ABR: variants seen among roughly 807,000 people sequenced by gnomAD.
ABR encodes ABR activator of RhoGEF and GTPase, also known as active breakpoint cluster region-related protein.
A neutral mutation model predicts 107.2 loss-of-function variants in ABR; 35 were observed. The ratio of observed to expected loss-of-function variants is 0.33; its 90% CI spans 0.25 to 0.43. The LOEUF is 0.43. Among genes scored for constraint, ABR ranks in the 20% least tolerant of loss-of-function variants. The pLI, the probability that ABR is intolerant of heterozygous loss-of-function variation, is 1.00. For synonymous variants in ABR, 498 were observed against 462.0 expected, an observed-to-expected ratio of 1.08 and a Z score of -1.00; for missense variants, 815 against 1,115.2, an observed-to-expected ratio of 0.73 and a Z score of 3.83.
In ABR at chr17:1,071,279, C is replaced by T. The variant is rs74372553; in HGVS notation, c.895-1189G>A. The stretch of plus-strand genomic sequence containing the variant: ...GACGCTGCACATCAGCACCAGGAGC[C>T]GCACGGAATCGGCTCTCTCTGCCCA... On this transcript the variant is annotated intron_variant, in intron 8 of 22. Transcript: ENST00000302538. This position sits in a 1 kb window ranked among gnomAD's most constrained non-coding sequence, Gnocchi z 5.1. Among the ~76,000 whole-genome samples the T allele has an allele frequency of 0.013, 1,920 of 152,262 alleles. 20 individuals carry two copies. The highest frequency in any genetic ancestry group is 0.02 in the Admixed American group (312 of 15,300).
chr17:1,090,806 C>T (rs995121990), intron 4 of ABR, among the ~76,000 whole-genome samples: 5 of 152,222 alleles, frequency 3.3e-5, no homozygotes, highest in African/African-American at 1.2e-4. Flanking sequence ...CCTCTGGCCA[C>T]TCACACCCAG....
intron 1 of ABR, among the ~76,000 whole-genome samples, chr17:1,165,219 C>T (rs751609703): frequency 2.0e-5 from 3 of 152,354 alleles, no homozygotes; most frequent in South Asian, 2.1e-4. Context: ...GGCCCTGGAG[C>T]GCCTTCCCAC....
At chr17:1,193,347 G>A (rs933456800) in intron 1 of ABR, among the ~76,000 whole-genome samples, 1 of 150,752 alleles carries the variant, frequency 6.6e-6, no homozygotes, top group African/African-American at 2.4e-5. Context: ...TTCGGCCGAC[G>A]TGTCCCGAGC....
At chr17:1,008,104 G>A (rs2070210113) in intron 21 of ABR, among the ~76,000 whole-genome samples, 2 of 151,872 alleles carry the variant, frequency 1.3e-5, no homozygotes, top group Admixed American at 6.5e-5. Flanking sequence ...CTGCCTCGTG[G>A]GACCCAGGAT....
At chr17:1,086,309 G>A (rs1258651354) in intron 4 of ABR, among the ~76,000 whole-genome samples, 2 of 152,122 alleles carry the variant, frequency 1.3e-5, no homozygotes, top group African/African-American at 4.8e-5. Flanking sequence ...ATAGTGGAGG[G>A]ACTGGTAACA....
At chr17:1,055,785 C>G (rs1267639363) in intron 14 of ABR, 7 of 445,732 alleles carry the variant, frequency 1.6e-5, no homozygotes, top group Non-Finnish European at 2.5e-5. Context: ...CCTGGGCCTC[C>G]CAAAGTGCTG....
intron 2 of ABR, among the ~76,000 whole-genome samples, chr17:1,124,712 AGAG>A (rs2039511421): frequency 2.0e-5 from 3 of 152,246 alleles, no homozygotes; most frequent in African/African-American, 7.2e-5. Context: ...CAGAGTGAAC[AGAG>A]GAGGGCTGGA....
intron 1 of ABR, among the ~76,000 whole-genome samples, chr17:1,174,271 T>G (rs1351456857): frequency 1.3e-5 from 2 of 152,170 alleles, no homozygotes; most frequent in Non-Finnish European, 2.9e-5. Flanking sequence ...CCAGCAGCCA[T>G]GAAGATTATG....
Position 1,087,608 on chromosome 17 carries a change from G to A in ABR, c.532-3981C>T, listed in dbSNP as rs1372589991. On this transcript the variant is annotated intron_variant, in intron 4 of 22. Transcript: ENST00000302538. Reference sequence around the variant, plus strand: ...TAAAAGGGGGCGGGGCCGGACGGGAGGGAGTTTATTTCCTTTTCCAGGGAG... The same window carrying A: ...TAAAAGGGGGCGGGGCCGGACGGGAAGGAGTTTATTTCCTTTTCCAGGGAG... 4.6e-5 allele frequency among the ~76,000 whole-genome samples: 7 copies of A among 152,276 alleles called. No individual in the cohort carries two copies. In the East Asian group the frequency reaches 1.4e-3, roughly 29 times the overall value.
Position 1,099,064 on chromosome 17 carries a change from G to C in ABR, c.345+1573C>G, listed in dbSNP as rs919494614. ...GGCCTCCCAAAGTGCTGGGATTACA[G>C]GTGTCAGCCACTGCACCCAGCCTTT... On this transcript the variant is annotated intron_variant, in intron 3 of 22. Transcript: ENST00000302538. Among the ~76,000 whole-genome samples the C allele has an allele frequency of 2.6e-5, 4 of 151,822 alleles. No homozygotes were observed. The East Asian group carries it at 7.7e-4, about 29-fold the overall frequency.
intron 16 of ABR, among the ~76,000 whole-genome samples, chr17:1,029,623 C>A (rs1182601655): frequency 6.6e-6 from 1 of 152,180 alleles, no homozygotes; most frequent in East Asian, 1.9e-4. Context: ...CCTTACCCCA[C>A]CGAAACGAAA....
chr17:1,183,976 C>T (rs922632929), upstream of ABR, among the ~76,000 whole-genome samples: 12 of 152,204 alleles, frequency 7.9e-5, no homozygotes, highest in Admixed American at 2.0e-4. Context: ...TTTGGGAGGC[C>T]GAGATGGGCA....
intron 1 of ABR, among the ~76,000 whole-genome samples, chr17:1,197,728 G>A (rs2042596374): frequency 6.6e-6 from 1 of 151,484 alleles, no homozygotes; most frequent in Admixed American, 6.6e-5. Flanking sequence ...TGAGTCTTGG[G>A]GAGTGGCTCC....
At chr17:1,229,435 C>T (rs895267302) in exon 1 of ABR, among the ~76,000 whole-genome samples, 2 of 151,852 alleles carry the variant, frequency 1.3e-5, no homozygotes, top group African/African-American at 2.4e-5. Flanking sequence ...CCGCCGCCGC[C>T]CCGGGCCAGC....
At chr17:1,064,518 T>G (rs2034463712) in intron 10 of ABR, among the ~76,000 whole-genome samples, 1 of 131,240 alleles carries the variant, frequency 7.6e-6, no homozygotes, top group African/African-American at 2.8e-5. Flanking sequence ...CTGAGGGCTA[T>G]GCATGTTCCT....
At chr17:1,141,077 AG>A (rs2040266097) in intron 1 of ABR, among the ~76,000 whole-genome samples, 1 of 152,166 alleles carries the variant, frequency 6.6e-6, no homozygotes, top group Admixed American at 6.5e-5. Flanking sequence ...TCAGGGCAGA[AG>A]GGTCCTTGGG....
At chr17:1,163,494 C>A (rs2041389455) in intron 1 of ABR, among the ~76,000 whole-genome samples, 1 of 151,414 alleles carries the variant, frequency 6.6e-6, no homozygotes, top group Non-Finnish European at 1.5e-5. Context: ...GCAGGGGCCC[C>A]AGATAAACTG....
intron 2 of ABR, among the ~76,000 whole-genome samples, chr17:1,122,750 G>C (rs1240078739): frequency 2.0e-5 from 3 of 152,086 alleles, no homozygotes; most frequent in Non-Finnish European, 4.4e-5. Flanking sequence ...ACTTTTCTTC[G>C]TATGTAGATA....
At chr17:1,171,562 G>A (rs1298133689) in intron 1 of ABR, among the ~76,000 whole-genome samples, 5 of 152,166 alleles carry the variant, frequency 3.3e-5, no homozygotes, top group African/African-American at 1.2e-4. Flanking sequence ...TAGGCAAGAT[G>A]CCCAATCACG....
Sources: allele counts gnomAD v4.1 joint callset (sites outside exome capture counted in the v4.1 genomes callset), GRCh38; gene constraint gnomAD v4.1.1; non-coding constraint Gnocchi (gnomAD v3.1); transcripts MANE v1.5; gene names NCBI Gene and HGNC (gene_info 2026-07-23, HGNC 2026-07-21).